KCNMA1: variants seen among roughly 807,000 people sequenced by gnomAD.
KCNMA1 encodes the protein potassium calcium-activated channel subfamily M alpha 1.
Under a neutral mutation model 140.0 loss-of-function variants are expected in KCNMA1, and 29 were observed. That is an observed-to-expected ratio of 0.21 (90% CI 0.15 to 0.28). The LOEUF (loss-of-function observed/expected upper bound fraction) is 0.28. Among genes scored for constraint, KCNMA1 ranks in the 10% least tolerant of loss-of-function variants. The probability of loss-of-function intolerance (pLI) is 1.00; values close to 1 mark genes in which losing one functional copy is unlikely to be tolerated. For missense variants in KCNMA1, 880 were observed against 1,602.2 expected, an observed-to-expected ratio of 0.55 and a Z score of 7.70; for synonymous variants, 612 against 611.9, an observed-to-expected ratio of 1.00 and a Z score of 0.00.
chr10:77,136,592 G>GAAA (rs57606631), intron 5 of KCNMA1, among the ~76,000 whole-genome samples: 1 of 145,086 alleles, frequency 6.9e-6, no homozygotes. Context: ...TGGAAATGCT[G>GAAA]AAAAAAAAAA....
chr10:77,283,370 A>G (rs2069415386), intron 2 of KCNMA1, among the ~76,000 whole-genome samples: 1 of 152,198 alleles, frequency 6.6e-6, no homozygotes, highest in Admixed American at 6.5e-5. Context: ...TCATTTCAAG[A>G]TCAGTCAGCC....
chr10:77,347,261 G>A (rs1275927593), intron 2 of KCNMA1, among the ~76,000 whole-genome samples: 2 of 152,172 alleles, frequency 1.3e-5, no homozygotes, highest in Admixed American at 1.3e-4. Flanking sequence ...CCTACATTAT[G>A]TCATTAAGCA....
At chr10:77,335,878 C>T (rs2088731278) in intron 2 of KCNMA1, among the ~76,000 whole-genome samples, 1 of 152,186 alleles carries the variant, frequency 6.6e-6, no homozygotes, top group Admixed American at 6.5e-5. Context: ...AAGACCCATG[C>T]TCCTCACTTC....
chr10:77,439,751 C>T (rs928002533), intron 1 of KCNMA1, among the ~76,000 whole-genome samples: 5 of 152,144 alleles, frequency 3.3e-5, no homozygotes, highest in African/African-American at 1.2e-4. Context: ...GGCCCTGATA[C>T]CTCCTGTGTC....
chr10:77,138,305 C>T (rs1262910990), intron 5 of KCNMA1, among the ~76,000 whole-genome samples: 1 of 152,140 alleles, frequency 6.6e-6, no homozygotes, highest in Non-Finnish European at 1.5e-5. Flanking sequence ...CTCATGGTCA[C>T]CCATCCTGGG....
chr10:77,219,664 G>A (rs1332146485), intron 3 of KCNMA1, among the ~76,000 whole-genome samples: 1 of 152,200 alleles, frequency 6.6e-6, no homozygotes, highest in Non-Finnish European at 1.5e-5. Flanking sequence ...CTGTCGCCCA[G>A]GCTGGAGTGC....
intron 23 of KCNMA1, among the ~76,000 whole-genome samples, chr10:76,944,310 T>C (rs1233183346): frequency 6.6e-6 from 1 of 152,032 alleles, no homozygotes; most frequent in Non-Finnish European, 1.5e-5. Flanking sequence ...GTCCATAGAG[T>C]TGCCACTCTC....
chr10:77,312,903 T>G (rs2079729275), intron 2 of KCNMA1, among the ~76,000 whole-genome samples: 1 of 152,014 alleles, frequency 6.6e-6, no homozygotes, highest in African/African-American at 2.4e-5. Context: ...TTTTCTGGAG[T>G]ATACAATCTT....
chr10:77,254,284 C>T (rs867239531), intron 2 of KCNMA1, among the ~76,000 whole-genome samples: 1 of 149,808 alleles, frequency 6.7e-6, no homozygotes, highest in African/African-American at 2.5e-5. Flanking sequence ...TGCAGTGGCG[C>T]GATCTCAGTT....
chr10:76,983,958 T>C (rs543586615), intron 19 of KCNMA1, among the ~76,000 whole-genome samples: 2 of 152,330 alleles, frequency 1.3e-5, no homozygotes, highest in East Asian at 3.9e-4. Context: ...AAATTGGGTA[T>C]GTGTGGACAA....
At chr10:77,314,680 T>C (rs1439596870) in intron 2 of KCNMA1, among the ~76,000 whole-genome samples, 1 of 152,118 alleles carries the variant, frequency 6.6e-6, no homozygotes, top group Non-Finnish European at 1.5e-5. Context: ...GTCTGAAGCT[T>C]GTCTGGGTGA....
intron 27 of KCNMA1, 199 bp from the exon 28 acceptor site, chr10:76,887,714 C>A (rs1424057230): frequency 1.6e-6 from 1 of 619,534 alleles, no homozygotes; most frequent in African/African-American, 1.8e-5. Context: ...TAAAGGAGGC[C>A]AGCCAGGAGC....
rs534503277 is a variant in KCNMA1 at position 76,994,332 on chromosome 10, C to A, written c.2266+7075G>T. Among the ~76,000 whole-genome samples the A allele has an allele frequency of 1.4e-4, 22 of 152,308 alleles. No individual in the cohort carries two copies. The South Asian group carries it at 4.1e-3, about 29-fold the overall frequency. On this transcript the variant is annotated intron_variant, in intron 19 of 27. Transcript: ENST00000286628. ...AGGGGGAGTAGTGCCTGTAATGCAG[C>A]AAATGCTATATAAGTGTTAAATTTA...
intron 1 of KCNMA1, among the ~76,000 whole-genome samples, chr10:77,502,790 G>A (rs2044388354): frequency 6.6e-6 from 1 of 152,178 alleles, no homozygotes; most frequent in South Asian, 2.1e-4. Context: ...TTCCTCCTAG[G>A]TTGGTGTGAG....
chr10:77,257,271 C>T lies in KCNMA1; in HGVS notation c.541-6015G>A, dbSNP rs139322192. ...AATGCCAACAAACATTTATTGAACA[C>T]CTATGCACAAGGGCCAGAGTGAGAG... On this transcript the variant is annotated intron_variant, in intron 2 of 27. Coordinates refer to ENST00000286628, the MANE Select transcript of KCNMA1 (RefSeq NM_001161352.2). Among the ~76,000 whole-genome samples, 26 of 152,324 alleles carry T rather than the reference C, an allele frequency of 1.7e-4. No homozygotes were observed. In the East Asian group the frequency reaches 4.6e-3, roughly 27 times the overall value.
chr10:77,227,425 C>T (rs2616612), intron 3 of KCNMA1, among the ~76,000 whole-genome samples: 100,899 of 151,966 alleles, frequency 0.66, 34,147 homozygotes, highest in Admixed American at 0.75. Flanking sequence ...ATGCTATACT[C>T]CCTGGGAACC....
chr10:77,477,329 A>C (rs2098300152), intron 1 of KCNMA1, among the ~76,000 whole-genome samples: 1 of 152,222 alleles, frequency 6.6e-6, no homozygotes, highest in Non-Finnish European at 1.5e-5. Context: ...GATGGCACCT[A>C]GTTCCTTGGA....
rs560687901 is a variant in KCNMA1 at position 77,564,690 on chromosome 10, G to A, written c.378+72575C>T. Among the ~76,000 whole-genome samples, 16 of 152,278 alleles carry A rather than the reference G, an allele frequency of 1.1e-4. No homozygotes were observed. The South Asian group carries it at 2.5e-3, about 24-fold the overall frequency. ...GACATGTCTTTATGTCTCAGCCTTC[G>A]CAGCTTCCTCCTGGCATCTAGGTGA... On this transcript the variant is annotated intron_variant, in intron 1 of 27. Coordinates refer to ENST00000286628, the MANE Select transcript of KCNMA1 (RefSeq NM_001161352.2).
intron 25 of KCNMA1, chr10:76,904,770 C>T (rs951008694): frequency 5.2e-5 from 8 of 152,394 alleles, no homozygotes; most frequent in Admixed American, 5.2e-4. Context: ...TGTGCACAAC[C>T]TCCTAACTCA....
Sources: allele counts gnomAD v4.1 joint callset (sites outside exome capture counted in the v4.1 genomes callset), GRCh38; gene constraint gnomAD v4.1.1; transcripts MANE v1.5; gene names NCBI Gene and HGNC (gene_info 2026-07-23, HGNC 2026-07-21).